GNG12: variants seen among roughly 807,000 people sequenced by gnomAD.
GNG12 encodes guanine nucleotide-binding protein G(I)/G(S)/G(O) subunit gamma-12.
For synonymous variants in GNG12, 28 were observed against 29.7 expected (o/e 0.94, Z 0.19); for missense variants, 69 against 83.8 (o/e 0.82, Z 0.69).
At chr1:67,828,222 C>T (rs939994683) in intron 1 of GNG12, among the ~76,000 whole-genome samples, 1 of 152,210 alleles carries the variant, frequency 6.6e-6, no homozygotes, top group Non-Finnish European at 1.5e-5. Flanking sequence ...GAAGTGTTAA[C>T]TGCTATGGCT....
intron 2 of GNG12, among the ~76,000 whole-genome samples, chr1:67,761,718 A>G (rs1646605965): frequency 6.6e-6 from 1 of 152,134 alleles, no homozygotes; most frequent in South Asian, 2.1e-4. Flanking sequence ...AAACTCTCCA[A>G]CGAGGTATTC....
chr1:67,827,698 T>TC (rs5774892), intron 1 of GNG12, among the ~76,000 whole-genome samples: 50,696 of 151,952 alleles, frequency 0.33, 8,683 homozygotes, highest in Middle Eastern at 0.48. Flanking sequence ...GTGCTGGGAT[T>TC]ACAGGCGTGA....
At chr1:67,770,604 G>A (rs1646668268) in intron 2 of GNG12, among the ~76,000 whole-genome samples, 1 of 152,128 alleles carries the variant, frequency 6.6e-6, no homozygotes, top group South Asian at 2.1e-4. Context: ...AGAAGATGCT[G>A]AGGGATGGCA....
intron 1 of GNG12, among the ~76,000 whole-genome samples, chr1:67,788,989 G>A (rs1191847022): frequency 6.6e-6 from 1 of 152,204 alleles, no homozygotes; most frequent in East Asian, 1.9e-4. Context: ...GGCTATACTT[G>A]TGCTTTTGCT....
intron 1 of GNG12, among the ~76,000 whole-genome samples, chr1:67,819,759 CT>C (rs945890351): frequency 1.3e-5 from 2 of 152,314 alleles, no homozygotes; most frequent in African/African-American, 4.8e-5. Flanking sequence ...CAGGAGCCTT[CT>C]TTTTGTGCTC....
chr1:67,800,825 T>C (rs1646860253), intron 1 of GNG12, among the ~76,000 whole-genome samples: 2 of 150,888 alleles, frequency 1.3e-5, no homozygotes, highest in African/African-American at 4.9e-5. Flanking sequence ...AATATGATTT[T>C]AAACTTGACC....
chr1:67,832,433 T>C (rs886251580), intron 1 of GNG12: 1 of 152,074 alleles, frequency 6.6e-6, no homozygotes, highest in Non-Finnish European at 1.5e-5. Context: ...ACGGCTTCCT[T>C]ATCGTGAGTT....
intron 1 of GNG12, among the ~76,000 whole-genome samples, chr1:67,794,510 C>A (rs1646818867): frequency 6.6e-6 from 1 of 152,166 alleles, no homozygotes; most frequent in South Asian, 2.1e-4. Context: ...AAACTTAATA[C>A]AATAAAGACG....
intron 2 of GNG12, among the ~76,000 whole-genome samples, chr1:67,719,277 AG>A (rs1301362616): frequency 2.0e-5 from 3 of 152,156 alleles, no homozygotes; most frequent in African/African-American, 7.2e-5. Context: ...ACCTCTTCCA[AG>A]GACGGTCTGT....
chr1:67,778,987 C>T lies in GNG12; in HGVS notation c.-76-1480G>A, dbSNP rs138275362. 7.5e-4 allele frequency among the ~76,000 whole-genome samples: 114 copies of T among 152,150 alleles called. 2 individuals are homozygous for T. The highest frequency in any genetic ancestry group is 2.5e-3 in the African/African-American group (105 of 41,520). On this transcript the variant is annotated intron_variant, in intron 1 of 3. Coordinates refer to ENST00000370982, the MANE Select transcript of GNG12 (RefSeq NM_018841.6). ...GCAGGTGGGGTCGAAAAGGCTGCAC[C>T]GGGTCTGGAGGTTTGTCTGGATGAC...
intron 1 of GNG12, among the ~76,000 whole-genome samples, chr1:67,791,845 A>G (rs1048387276): frequency 6.6e-6 from 1 of 152,150 alleles, no homozygotes; most frequent in Non-Finnish European, 1.5e-5. Context: ...GATTCTCAGC[A>G]TACTTAACAC....
chr1:67,703,071 C>T lies in GNG12; in HGVS notation c.*2380G>A, dbSNP rs995578522. 1 of 152,108 alleles carries T rather than the reference C, an allele frequency of 6.6e-6. No individual in the cohort carries two copies. The highest frequency in any genetic ancestry group is 1.5e-5 in the Non-Finnish European group (1 of 68,014). The allele number at this position is 152,108 out of a possible 1,614,324, so 9.4% of individuals were successfully genotyped here. Reference sequence around the variant, plus strand: ...GTATACATATATTTTCTCACATAGACGTCTAGTTATAAGTAAATCAACATT... The same window carrying T: ...GTATACATATATTTTCTCACATAGATGTCTAGTTATAAGTAAATCAACATT... On this transcript the variant is annotated 3_prime_UTR_variant, in exon 4 of 4. Transcript: ENST00000370982.
intron 2 of GNG12, among the ~76,000 whole-genome samples, chr1:67,753,947 C>T (rs903879067): frequency 3.3e-5 from 5 of 151,972 alleles, no homozygotes; most frequent in African/African-American, 9.7e-5. Flanking sequence ...TAAAGGTAGG[C>T]GCTCCCTTCT....
chr1:67,721,470 C>T (rs1384121828), intron 2 of GNG12, among the ~76,000 whole-genome samples: 2 of 152,156 alleles, frequency 1.3e-5, no homozygotes, highest in Non-Finnish European at 2.9e-5. Context: ...TTTTAACAAT[C>T]CTTATGAATG....
At chr1:67,817,618 T>A (rs1570572846) in intron 1 of GNG12, among the ~76,000 whole-genome samples, 1 of 152,180 alleles carries the variant, frequency 6.6e-6, no homozygotes, top group Non-Finnish European at 1.5e-5. Context: ...CACACTGCCA[T>A]ATAACATGCC....
intron 2 of GNG12, among the ~76,000 whole-genome samples, chr1:67,761,720 G>A (rs550559994): frequency 2.0e-5 from 3 of 152,204 alleles, no homozygotes; most frequent in Non-Finnish European, 4.4e-5. Context: ...ACTCTCCAAC[G>A]AGGTATTCCC....
chr1:67,763,112 A>AGAGAGAGAGAGAGAGAGAGAGAGAGG (rs1646616004), intron 2 of GNG12, among the ~76,000 whole-genome samples: 2 of 151,260 alleles, frequency 1.3e-5, no homozygotes, highest in Non-Finnish European at 2.9e-5. Context: ...AGAGAGAGAG[A>AGAGAGAGAGAGAGAGAGAGAGAGAGG]GAGAGAGAAT....
At chr1:67,757,728 C>T (rs1278456057) in intron 2 of GNG12, among the ~76,000 whole-genome samples, 3 of 152,020 alleles carry the variant, frequency 2.0e-5, no homozygotes, top group African/African-American at 7.2e-5. Context: ...TGATTTTGGT[C>T]ACAGTGGAAA....
intron 2 of GNG12, among the ~76,000 whole-genome samples, chr1:67,750,846 C>T (rs1646534635): frequency 6.6e-6 from 1 of 152,180 alleles, no homozygotes; most frequent in African/African-American, 2.4e-5. Context: ...CTTTCAGTTA[C>T]AGCAATGCTG....
Sources: allele counts gnomAD v4.1 joint callset (sites outside exome capture counted in the v4.1 genomes callset), GRCh38; gene constraint gnomAD v4.1.1; transcripts MANE v1.5; gene names NCBI Gene and HGNC (gene_info 2026-07-23, HGNC 2026-07-21).